The following FDFT1 variants were observed in gnomAD, a reference collection of about 807,000 sequenced individuals.
FDFT1 encodes squalene synthase.
FDFT1 carries 68 observed loss-of-function variants against 46.8 expected under a neutral mutation model. The observed-to-expected ratio is 1.45, with a 90% confidence interval of 1.19 to 1.78. FDFT1 has a LOEUF of 1.78. Ranked by LOEUF, FDFT1 falls within the 40% of genes most tolerant of loss-of-function variation. FDFT1 has a pLI of 0.00. For missense variants in FDFT1, 928 were observed against 524.4 expected, an observed-to-expected ratio of 1.77 and a Z score of -7.52; for synonymous variants, 351 against 185.1, an observed-to-expected ratio of 1.90 and a Z score of -7.28.
At chr8:11,826,517 G>C (rs1810019282) in intron 5 of FDFT1, among the ~76,000 whole-genome samples, 1 of 152,148 alleles carries the variant, frequency 6.6e-6, no homozygotes, top group Non-Finnish European at 1.5e-5. Context: ...AAAGTTCTTA[G>C]GAATGGCTTT....
At chr8:11,810,269 G>A (rs574370490) in intron 3 of FDFT1, among the ~76,000 whole-genome samples, 5 of 152,286 alleles carry the variant, frequency 3.3e-5, no homozygotes, top group Non-Finnish European at 7.4e-5. Context: ...AGATTCTCAG[G>A]CTAGCTCACA....
In FDFT1 at chr8:11,838,422, C is replaced by G. The variant is rs79708434; in HGVS notation, c.1067C>G (p.Ser356Cys). Residue 356 changes from serine (S) to cysteine (C), a missense_variant, in exon 8 of 8, where the codon TCT (serine) becomes TGT (cysteine). Physicochemically the swap from Ser to Cys is moderately radical, Grantham distance 112. Transcript: ENST00000220584. ...AGAATCCCCGACTCAGACCCATCTT[C>G]TAGCAAAACAAGGCAGATCATCTCC... ...YHRIPDSDPS[S>C]SKTRQIISTI... 1,233 of 1,613,328 alleles carry G rather than the reference C, an allele frequency of 7.6e-4. 18 individuals carry two copies. In the East Asian group the frequency reaches 0.023, roughly 31 times the overall value.
At chr8:11,832,688 C>G (rs1811004985) in intron 7 of FDFT1, among the ~76,000 whole-genome samples, 1 of 151,340 alleles carries the variant, frequency 6.6e-6, no homozygotes, top group Admixed American at 6.6e-5. Context: ...TGGACAATGT[C>G]TGGAGACATT....
At chr8:11,813,997 G>A (rs968430376) in intron 3 of FDFT1, among the ~76,000 whole-genome samples, 12 of 152,114 alleles carry the variant, frequency 7.9e-5, no homozygotes, top group African/African-American at 1.9e-4. Context: ...GTACAATTAC[G>A]TAATAAATAA....
At chr8:11,833,742 C>T (rs941624213) in intron 7 of FDFT1, among the ~76,000 whole-genome samples, 4 of 152,172 alleles carry the variant, frequency 2.6e-5, no homozygotes, top group Non-Finnish European at 4.4e-5. Flanking sequence ...AGTTGAGGAG[C>T]TGCAACAGGC....
intron 1 of FDFT1, among the ~76,000 whole-genome samples, chr8:11,796,780 C>T (rs559021067): frequency 1.3e-5 from 2 of 152,350 alleles, no homozygotes; most frequent in Admixed American, 6.5e-5. Context: ...GACAGGCAAG[C>T]CCCAAATTGG....
At chr8:11,812,569 T>C (rs929116588) in intron 3 of FDFT1, among the ~76,000 whole-genome samples, 1 of 152,214 alleles carries the variant, frequency 6.6e-6, no homozygotes, top group Non-Finnish European at 1.5e-5. Flanking sequence ...AATTCAAACC[T>C]GAATCAACCA....
chr8:11,803,411 C>CA (rs1806400443), intron 1 of FDFT1: 1 of 1,288,722 alleles, frequency 7.8e-7, no homozygotes, highest in African/African-American at 1.5e-5. Context: ...TTGCTGCCTT[C>CA]CATCGCTTCA....
intron 4 of FDFT1, among the ~76,000 whole-genome samples, chr8:11,823,381 T>C (rs578013067): frequency 6.6e-6 from 1 of 151,254 alleles, no homozygotes; most frequent in East Asian, 1.9e-4. Flanking sequence ...GATATACTAA[T>C]TTTTTTTTAA....
chr8:11,834,022 AGTC>A (rs1285664026), intron 7 of FDFT1, among the ~76,000 whole-genome samples: 1 of 152,250 alleles, frequency 6.6e-6, no homozygotes, highest in Non-Finnish European at 1.5e-5. Flanking sequence ...TGAAGCCACA[AGTC>A]GTCTGGCCTC....
chr8:11,800,887 T>C (rs1806049347), upstream of FDFT1, among the ~76,000 whole-genome samples: 1 of 152,222 alleles, frequency 6.6e-6, no homozygotes, highest in Admixed American at 6.5e-5. Context: ...GGGGTTCCCT[T>C]GGCCGAGGTG....
intron 1 of FDFT1, among the ~76,000 whole-genome samples, chr8:11,804,492 G>A (rs375766656): frequency 7.2e-5 from 11 of 151,790 alleles, no homozygotes; most frequent in African/African-American, 1.9e-4. Context: ...AGTCTTTCTG[G>A]GCAGTTTTTA....
At chr8:11,830,633 T>C (rs1199503768) in intron 6 of FDFT1, among the ~76,000 whole-genome samples, 1 of 152,196 alleles carries the variant, frequency 6.6e-6, no homozygotes, top group Non-Finnish European at 1.5e-5. Context: ...TTCAGAACCT[T>C]CTTTCTGGAT....
chr8:11,822,959 A>T (rs73547796), intron 4 of FDFT1, among the ~76,000 whole-genome samples: 33,247 of 152,096 alleles, frequency 0.22, 4,313 homozygotes, highest in African/African-American at 0.36. Flanking sequence ...AAATTGAATT[A>T]AAAAAAATTT....
At chr8:11,815,477 C>T (rs1425076894) in intron 3 of FDFT1, among the ~76,000 whole-genome samples, 1 of 152,222 alleles carries the variant, frequency 6.6e-6, no homozygotes, top group Non-Finnish European at 1.5e-5. Flanking sequence ...CTAATTTACA[C>T]TCCCACCAAC....
Position 11,821,843 on chromosome 8 carries a change from GATAAGC to G in FDFT1, c.478_483del (p.Lys160_His161del), listed in dbSNP as rs760846300. ...GGGCATTGGGATGGCAGAGTTTTTG[GATAAGC>G]ATGTGACCTCTGAACAGGAGTGGGA... On this transcript the variant is annotated inframe_deletion, in exon 4 of 8. Transcript: ENST00000220584. The G allele has an allele frequency of 4.0e-5, 65 of 1,613,472 alleles. No individual in the cohort carries two copies. The highest frequency in any genetic ancestry group is 4.9e-5 in the Non-Finnish European group (58 of 1,179,604).
At chr8:11,802,500 C>G (rs1342339106), upstream of FDFT1, 12 of 498,600 alleles carry the variant, frequency 2.4e-5, no homozygotes, top group Admixed American at 4.6e-5. Flanking sequence ...GGGCACCAAT[C>G]CCGCTCGTCG....
chr8:11,815,642 T>C (rs1409889608), intron 3 of FDFT1, among the ~76,000 whole-genome samples: 1 of 152,244 alleles, frequency 6.6e-6, no homozygotes, highest in Non-Finnish European at 1.5e-5. Flanking sequence ...CATTTCTTCA[T>C]ATGTCTGTTG....
chr8:11,835,773 A>T (rs1811452298), intron 7 of FDFT1, among the ~76,000 whole-genome samples: 1 of 152,088 alleles, frequency 6.6e-6, no homozygotes. Flanking sequence ...TTTGGTGCTG[A>T]TGTTATCATC....
Sources: gnomAD v4.1 joint callset for allele counts (sites outside exome capture counted in the v4.1 genomes callset) on GRCh38, gnomAD v4.1.1 for gene constraint, MANE v1.5 for transcripts, NCBI Gene and HGNC (gene_info 2026-07-23, HGNC 2026-07-21) for gene names.